NIPBL: variants seen among roughly 807,000 people sequenced by gnomAD.
NIPBL encodes nipped-B-like protein.
In NIPBL, 19 loss-of-function variants were observed where a neutral mutation model predicts 321.8. That is an observed-to-expected ratio of 0.06 (90% CI 0.04 to 0.09). The LOEUF is 0.09. NIPBL is among the 10% of genes least tolerant of loss of function. The pLI is 1.00. For synonymous variants in NIPBL, 1,106 were observed against 1,114.1 expected (o/e 0.99, Z 0.14); for missense variants, 2,210 against 3,327.0 (o/e 0.66, Z 8.26).
At chr5:37,053,206 T>C (rs1001631941) in intron 42 of NIPBL, among the ~76,000 whole-genome samples, 1 of 152,222 alleles carries the variant, frequency 6.6e-6, no homozygotes, top group Admixed American at 6.5e-5. Flanking sequence ...ACCTAGGCTA[T>C]ATTGTTCCTG....
At chr5:37,048,805 C>T in intron 39 of NIPBL, 130 bp downstream of exon 39, 1 of 788,836 alleles carries the variant, frequency 1.3e-6, no homozygotes, top group African/African-American at 1.7e-5. Context: ...AGTCCTTATG[C>T]TGAGGTCTAT....
At chr5:37,059,818 G>T (rs984053028) in intron 44 of NIPBL, among the ~76,000 whole-genome samples, 9 of 152,160 alleles carry the variant, frequency 5.9e-5, no homozygotes, top group African/African-American at 2.2e-4. Flanking sequence ...CAGAGCTCCA[G>T]TAGAACTCAA....
At chr5:36,987,327 T>C (rs926140074) in intron 10 of NIPBL, among the ~76,000 whole-genome samples, 4 of 152,206 alleles carry the variant, frequency 2.6e-5, no homozygotes, top group Non-Finnish European at 1.5e-5. Flanking sequence ...GCCAAGAGGG[T>C]AACCATTGCC....
At chr5:36,889,775 C>T (rs1746181062) in intron 1 of NIPBL, among the ~76,000 whole-genome samples, 1 of 151,886 alleles carries the variant, frequency 6.6e-6, no homozygotes, top group Non-Finnish European at 1.5e-5. Flanking sequence ...CAATCCATTC[C>T]TTTATTTTCT....
At position 37,066,306 on chromosome 5, in the gene NIPBL, G is replaced by A. The variant is rs1755334584; in HGVS notation, c.*1414G>A. 1 of 152,080 alleles carries A rather than the reference G, an allele frequency of 6.6e-6. No individual in the cohort carries two copies. The highest frequency in any genetic ancestry group is 6.6e-5 in the Admixed American group (1 of 15,266). The allele number at this position is 152,080 out of a possible 1,614,324, so 9.4% of individuals were successfully genotyped here. ...CTTTGAAAAAATTGACCTCCAGAAT[G>A]CTGTTTTATGAAATTGGCAAATAAA... On this transcript the variant is annotated 3_prime_UTR_variant, in exon 47 of 47. Coordinates refer to ENST00000282516, the MANE Select transcript of NIPBL (RefSeq NM_133433.4).
At chr5:36,926,338 TG>T (rs1344103676) in intron 1 of NIPBL, among the ~76,000 whole-genome samples, 1 of 152,176 alleles carries the variant, frequency 6.6e-6, no homozygotes, top group Non-Finnish European at 1.5e-5. Context: ...TTTGTTCATG[TG>T]GTGGTGATGG....
chr5:37,051,758 A>C, intron 40 of NIPBL, 21 bp from the exon 41 acceptor site: 1 of 1,516,992 alleles, frequency 6.6e-7, no homozygotes, highest in Non-Finnish European at 9.2e-7. Context: ...GATATCTCGT[A>C]ATTTTTTTTT....
chr5:36,923,578 GTTAT>G (rs1749120193), intron 1 of NIPBL, among the ~76,000 whole-genome samples: 1 of 151,906 alleles, frequency 6.6e-6, no homozygotes, highest in South Asian at 2.1e-4. Context: ...GTGGTCTTTG[GTTAT>G]TTACTTTACA....
chr5:36,962,920 C>G (rs558077057), intron 6 of NIPBL, among the ~76,000 whole-genome samples: 1 of 152,164 alleles, frequency 6.6e-6, no homozygotes, highest in South Asian at 2.1e-4. Flanking sequence ...TTGGTATCCA[C>G]AGAAGGTATT....
chr5:37,010,312 T>C (rs1033277658), intron 21 of NIPBL, 87 bp downstream of exon 21: 1 of 1,111,494 alleles, frequency 9.0e-7, no homozygotes, highest in Non-Finnish European at 1.3e-6. Flanking sequence ...ACTGAAGTTC[T>C]TTTTTTTTCT....
intron 24 of NIPBL, among the ~76,000 whole-genome samples, chr5:37,017,460 T>G (rs1430450902): frequency 6.6e-6 from 1 of 152,070 alleles, no homozygotes; most frequent in African/African-American, 2.4e-5. Context: ...GTTTTTAATT[T>G]ACTGAATGGT....
intron 1 of NIPBL, among the ~76,000 whole-genome samples, chr5:36,880,629 C>T (rs1261807086): frequency 6.6e-6 from 1 of 152,102 alleles, no homozygotes. Context: ...GTTGAACATG[C>T]TTATTTTAAT....
chr5:36,955,706 C>T (rs1332975061), intron 3 of NIPBL, 69 bp downstream of exon 3: 1 of 1,289,134 alleles, frequency 7.8e-7, no homozygotes. Context: ...ATCCGTATTC[C>T]TGGTTTTATT....
intron 7 of NIPBL, among the ~76,000 whole-genome samples, chr5:36,971,584 A>G (rs1276133614): frequency 1.3e-5 from 2 of 152,082 alleles, no homozygotes; most frequent in East Asian, 3.9e-4. Context: ...TTTGATTGTA[A>G]TTTATGTAAG....
At chr5:36,949,789 T>G (rs749764441) in intron 1 of NIPBL, among the ~76,000 whole-genome samples, 8 of 151,966 alleles carry the variant, frequency 5.3e-5, no homozygotes, top group Admixed American at 3.3e-4. Context: ...TTTAGTAGTA[T>G]TATAATCCCT....
intron 1 of NIPBL, among the ~76,000 whole-genome samples, chr5:36,917,606 T>A (rs764361434): frequency 3.9e-5 from 6 of 152,224 alleles, no homozygotes; most frequent in Non-Finnish European, 8.8e-5. Flanking sequence ...CCCATGCCTA[T>A]GTCCTGAATG....
chr5:37,027,116 A>AT (rs1415808835), intron 31 of NIPBL, among the ~76,000 whole-genome samples: 1 of 152,194 alleles, frequency 6.6e-6, no homozygotes, highest in African/African-American at 2.4e-5. Context: ...CACTTTAAAC[A>AT]TTTAGTGCCA....
At chr5:36,879,018 C>T (rs1346242402) in intron 1 of NIPBL, among the ~76,000 whole-genome samples, 9 of 151,888 alleles carry the variant, frequency 5.9e-5, no homozygotes, top group African/African-American at 9.7e-5. Context: ...GGAATGCAGA[C>T]GGGAGGAATA....
At chr5:36,993,850 A>G (rs1468579551) in intron 10 of NIPBL, among the ~76,000 whole-genome samples, 1 of 152,104 alleles carries the variant, frequency 6.6e-6, no homozygotes, top group Non-Finnish European at 1.5e-5. Context: ...CAGGAAGTAC[A>G]TCTGTAAGTG....
Sources: gnomAD v4.1 joint callset for allele counts (sites outside exome capture counted in the v4.1 genomes callset) on GRCh38, gnomAD v4.1.1 for gene constraint, MANE v1.5 for transcripts, NCBI Gene and HGNC (gene_info 2026-07-23, HGNC 2026-07-21) for gene names.